Variants in MYO3B observed in about 807,000 individuals in gnomAD.
MYO3B encodes myosin-IIIb.
MYO3B carries 156 observed loss-of-function variants against 174.6 expected under a neutral mutation model. That is an observed-to-expected ratio of 0.89 (90% CI 0.78 to 1.02). The LOEUF (loss-of-function observed/expected upper bound fraction) is 1.02. Ranked by LOEUF, MYO3B falls within the 50% of genes least tolerant of loss-of-function variation. The pLI, the probability that MYO3B is intolerant of heterozygous loss-of-function variation, is 0.00. For synonymous variants in MYO3B, 563 were observed against 569.1 expected, an observed-to-expected ratio of 0.99 and a Z score of 0.15; for missense variants, 1,632 against 1,639.4, an observed-to-expected ratio of 1.00 and a Z score of 0.08.
At chr2:170,340,396 G>T (rs967677002) in intron 8 of MYO3B, 2 of 152,178 alleles carry the variant, frequency 1.3e-5, no homozygotes, top group East Asian at 1.9e-4. Flanking sequence ...ACCTGCACAT[G>T]AACTGTTCTT....
rs138690457 is a variant in MYO3B at position 170,430,890 on chromosome 2, G to A, written c.2651-13077G>A. Among the ~76,000 whole-genome samples, 611 of 152,258 alleles carry A rather than the reference G, an allele frequency of 4.0e-3. 3 individuals are homozygous for A. Among genetic ancestry groups the A allele is most frequent in the Non-Finnish European group, 6.3e-3 (428 of 68,018 alleles). On this transcript the variant is annotated intron_variant, in intron 22 of 34. Transcript: ENST00000408978. Reference sequence around the variant, plus strand: ...GTAGGGGGAATTAGATATTGGGATAGGGAGGAGACAGCATTAAAGCCATGT... The same window carrying A: ...GTAGGGGGAATTAGATATTGGGATAAGGAGGAGACAGCATTAAAGCCATGT...
At position 170,604,894 on chromosome 2, in the gene MYO3B, A is replaced by T; in HGVS notation, c.3734-46734A>T. ...AAACAATCTGGTAGCTTCCAGGTAAACTCAGTCACTTCCAGGATTTTTCAC... is the reference window on the plus strand; with the variant it reads ...AAACAATCTGGTAGCTTCCAGGTAATCTCAGTCACTTCCAGGATTTTTCAC... On this transcript the variant is annotated intron_variant, in intron 32 of 34. Coordinates refer to ENST00000408978, the MANE Select transcript of MYO3B (RefSeq NM_138995.5). Among the ~76,000 whole-genome samples the T allele has an allele frequency of 1.3e-5, 2 of 152,124 alleles. 1 individual carries two copies. Among genetic ancestry groups the T allele is most frequent in the Non-Finnish European group, 2.9e-5 (2 of 68,022 alleles).
At chr2:170,559,401 T>TC (rs1691561704) in intron 32 of MYO3B, among the ~76,000 whole-genome samples, 1 of 152,208 alleles carries the variant, frequency 6.6e-6, no homozygotes, top group South Asian at 2.1e-4. Context: ...AGTTGTTTGA[T>TC]TATTTATTCA....
chr2:170,227,602 T>C lies in MYO3B; in HGVS notation c.604-8389T>C, dbSNP rs62172010. Reference sequence around the variant, plus strand: ...GCCCGGCCTCCCATACCTTTTTTAATTTTAGAGAGCTAAACAGAATCACTC... The same window carrying C: ...GCCCGGCCTCCCATACCTTTTTTAACTTTAGAGAGCTAAACAGAATCACTC... On this transcript the variant is annotated intron_variant, in intron 6 of 34. Transcript: ENST00000408978. Among the ~76,000 whole-genome samples the C allele has an allele frequency of 2.6e-5, 4 of 152,252 alleles. No individual in the cohort carries two copies. In the East Asian group the frequency reaches 7.7e-4, roughly 29 times the overall value.
In MYO3B at chr2:170,307,469, T is replaced by G. The variant is rs552573536; in HGVS notation, c.750-27916T>G. Among the ~76,000 whole-genome samples, 27 of 152,328 alleles carry G rather than the reference T, an allele frequency of 1.8e-4. 1 individual carries two copies. The South Asian group carries it at 2.7e-3, about 15-fold the overall frequency. ...TTCTCAATGCTACCTTTCTTGCTGT[T>G]ATCAATATAATAGAGAATGTATTGC... On this transcript the variant is annotated intron_variant, in intron 7 of 34. Coordinates refer to ENST00000408978, the MANE Select transcript of MYO3B (RefSeq NM_138995.5).
chr2:170,633,764 A>G (rs1317426227), intron 32 of MYO3B, among the ~76,000 whole-genome samples: 1 of 152,240 alleles, frequency 6.6e-6, no homozygotes, highest in East Asian at 1.9e-4. Flanking sequence ...GAACTTCAGC[A>G]AAGTCTCAGG....
intron 6 of MYO3B, among the ~76,000 whole-genome samples, chr2:170,229,577 C>T (rs998744536): frequency 1.3e-5 from 2 of 152,164 alleles, no homozygotes; most frequent in African/African-American, 2.4e-5. Flanking sequence ...TTTCTTATGA[C>T]AGCAAAAATA....
intron 32 of MYO3B, among the ~76,000 whole-genome samples, chr2:170,565,550 A>G (rs1012078): frequency 0.17 from 26,560 of 152,166 alleles, 3,246 homozygotes; most frequent in African/African-American, 0.33. Flanking sequence ...GGCATCTTGC[A>G]TCTTGCATTT....
In MYO3B at chr2:170,183,889, T is replaced by TGAAAA. The variant is rs2092432757; in HGVS notation, c.2+5600_2+5601insGAAAA. Among the ~76,000 whole-genome samples the TGAAAA allele has an allele frequency of 3.6e-5, 4 of 112,380 alleles. 1 individual carries two copies. The East Asian group carries it at 1.2e-3, about 35-fold the overall frequency. The allele number at this position is 112,380 out of a possible 152,430, so 73.7% of individuals were successfully genotyped here. ...TTTGAATTTTTTAATGTTCTAAAAA[T>TGAAAA]TAGATATTAAAACTTACCAGATTCA... On this transcript the variant is annotated intron_variant, in intron 1 of 34. Coordinates refer to ENST00000408978, the MANE Select transcript of MYO3B (RefSeq NM_138995.5).
intron 32 of MYO3B, among the ~76,000 whole-genome samples, chr2:170,635,477 C>T (rs777369454): frequency 1.3e-5 from 2 of 149,172 alleles, no homozygotes; most frequent in African/African-American, 2.5e-5. Context: ...GTGGGGGGAG[C>T]GGGGGAGGGA....
rs1041978666 is a variant in MYO3B, at chr2:170,317,688, C to G, written c.750-17697C>G. The stretch of plus-strand genomic sequence containing the variant: ...TTCTCCAAGGAGCCCTAACCTTACT[C>G]AAGCTGGCATTCCCTGTGCTTCCCA... On this transcript the variant is annotated intron_variant, in intron 7 of 34. Transcript: ENST00000408978. Among the ~76,000 whole-genome samples the G allele has an allele frequency of 5.5e-4, 84 of 152,262 alleles. 1 individual carries two copies. Among genetic ancestry groups the G allele is most frequent in the Non-Finnish European group, 8.8e-5 (6 of 68,014 alleles).
chr2:170,437,493 G>A (rs953272981), intron 22 of MYO3B, among the ~76,000 whole-genome samples: 17 of 152,086 alleles, frequency 1.1e-4, no homozygotes, highest in East Asian at 1.9e-4. Context: ...GAAAAGAAGC[G>A]TCTTTATCTC....
In MYO3B at chr2:170,506,313, A is replaced by G. The variant is rs1052995365; in HGVS notation, c.3370+4448A>G. On this transcript the variant is annotated intron_variant, in intron 28 of 34. Transcript: ENST00000408978. The stretch of plus-strand genomic sequence containing the variant: ...ACTGCCTGAACTTTTAAACTCTTTC[A>G]GTGCAAGGTTTTCTCCTAGCCTTTT... 2.0e-5 allele frequency among the ~76,000 whole-genome samples: 3 copies of G among 152,240 alleles called. No individual in the cohort carries two copies. The South Asian group carries it at 6.2e-4, about 31-fold the overall frequency.
chr2:170,484,345 A>G (rs1427435363), intron 25 of MYO3B, among the ~76,000 whole-genome samples: 1 of 152,226 alleles, frequency 6.6e-6, no homozygotes, highest in Non-Finnish European at 1.5e-5. Flanking sequence ...GGTTGAACAC[A>G]TCTGAATATT....
intron 7 of MYO3B, among the ~76,000 whole-genome samples, chr2:170,289,658 C>T (rs1337435720): frequency 6.6e-6 from 1 of 151,668 alleles, no homozygotes; most frequent in Non-Finnish European, 1.5e-5. Flanking sequence ...ACAAACTTTT[C>T]ATTTCCTTGA....
At chr2:170,519,197 A>G (rs1688504724) in intron 29 of MYO3B, among the ~76,000 whole-genome samples, 1 of 152,134 alleles carries the variant, frequency 6.6e-6, no homozygotes, top group Non-Finnish European at 1.5e-5. Flanking sequence ...ATTGCCAGAG[A>G]GAGGTAGCTT....
chr2:170,371,984 G>A (rs1001630777), intron 9 of MYO3B, among the ~76,000 whole-genome samples: 17 of 150,090 alleles, frequency 1.1e-4, no homozygotes, highest in African/African-American at 4.2e-4. Context: ...AAAATTAGCC[G>A]TGCATGGTGG....
intron 30 of MYO3B, among the ~76,000 whole-genome samples, chr2:170,526,521 C>A (rs1007040061): frequency 6.6e-5 from 10 of 152,104 alleles, no homozygotes; most frequent in African/African-American, 2.4e-4. Flanking sequence ...ATTTTATTTT[C>A]TTGTATTCCT....
intron 22 of MYO3B, among the ~76,000 whole-genome samples, chr2:170,414,572 T>C (rs2094566320): frequency 6.6e-6 from 1 of 152,216 alleles, no homozygotes; most frequent in Non-Finnish European, 1.5e-5. Flanking sequence ...AGCTCCTTTG[T>C]CTTTCCATAT....
Sources: allele counts gnomAD v4.1 joint callset (sites outside exome capture counted in the v4.1 genomes callset), GRCh38; gene constraint gnomAD v4.1.1; transcripts MANE v1.5; gene names NCBI Gene and HGNC (gene_info 2026-07-23, HGNC 2026-07-21).